The following DNAJC13 variants were observed in gnomAD, a reference collection of about 807,000 sequenced individuals.
DNAJC13 encodes DnaJ heat shock protein family (Hsp40) member C13.
DNAJC13 carries 75 observed loss-of-function variants against 290.5 expected under a neutral mutation model. That is an observed-to-expected ratio of 0.26 (90% CI 0.21 to 0.31). The LOEUF (loss-of-function observed/expected upper bound fraction) is 0.31, where lower values mean the gene tolerates loss of function less well. Ranked by LOEUF, DNAJC13 falls within the 10% of genes least tolerant of loss-of-function variation. DNAJC13 has a pLI of 1.00. For missense variants in DNAJC13, 2,260 were observed against 2,674.5 expected (o/e 0.85, Z 3.42); for synonymous variants, 862 against 892.0 (o/e 0.97, Z 0.60).
intron 42 of DNAJC13, 67 bp from the exon 43 acceptor site, chr3:132,507,170 G>T (rs575713681): frequency 2.9e-6 from 3 of 1,036,548 alleles, no homozygotes; most frequent in East Asian, 4.8e-5. Flanking sequence ...TTATTTATCT[G>T]TTAAGTTATT....
At chr3:132,430,732 C>G (rs1939218668) in intron 1 of DNAJC13, among the ~76,000 whole-genome samples, 1 of 152,164 alleles carries the variant, frequency 6.6e-6, no homozygotes, top group African/African-American at 2.4e-5. Flanking sequence ...CTCTCTCTCT[C>G]CCTTTTTTGG....
chr3:132,485,049 AC>A (rs1267606633), intron 29 of DNAJC13, among the ~76,000 whole-genome samples: 36 of 152,242 alleles, frequency 2.4e-4, no homozygotes, highest in African/African-American at 8.4e-4. Context: ...ATGCCACCGC[AC>A]TCCAGCCTGG....
intron 38 of DNAJC13, among the ~76,000 whole-genome samples, 188 bp from the exon 39 acceptor site, chr3:132,500,606 C>G (rs1291276449): frequency 6.6e-6 from 1 of 152,076 alleles, no homozygotes; most frequent in Non-Finnish European, 1.5e-5. Flanking sequence ...TGCCAACTAC[C>G]CCAGCATTTA....
intron 2 of DNAJC13, among the ~76,000 whole-genome samples, chr3:132,443,121 T>C (rs1933124120): frequency 6.6e-6 from 1 of 152,214 alleles, no homozygotes; most frequent in African/African-American, 2.4e-5. Flanking sequence ...TTGTCTCTTC[T>C]TTGACTTGGG....
intron 55 of DNAJC13, among the ~76,000 whole-genome samples, chr3:132,533,522 G>A (rs913090036): frequency 2.6e-5 from 4 of 151,846 alleles, no homozygotes; most frequent in Non-Finnish European, 5.9e-5. Flanking sequence ...TTTTAGTAGA[G>A]ACGGGGTTTT....
At chr3:132,435,604 G>C (rs1230571160) in intron 2 of DNAJC13, among the ~76,000 whole-genome samples, 1 of 152,138 alleles carries the variant, frequency 6.6e-6, no homozygotes, top group East Asian at 1.9e-4. Context: ...TAGAATAGTT[G>C]TTACCCTTTA....
At chr3:132,436,061 A>G (rs1370310467) in intron 2 of DNAJC13, among the ~76,000 whole-genome samples, 2 of 152,176 alleles carry the variant, frequency 1.3e-5, no homozygotes, top group African/African-American at 4.8e-5. Context: ...TAACTTATAT[A>G]CCATAAAATT....
At chr3:132,445,144 TTTAAG>T (rs1339950300) in intron 2 of DNAJC13, among the ~76,000 whole-genome samples, 1 of 152,144 alleles carries the variant, frequency 6.6e-6, no homozygotes, top group Non-Finnish European at 1.5e-5. Flanking sequence ...TGGCTGTTTG[TTTAAG>T]TTATTAATGC....
chr3:132,512,362 CTT>C (rs1446226792), intron 44 of DNAJC13, among the ~76,000 whole-genome samples: 2 of 152,152 alleles, frequency 1.3e-5, no homozygotes, highest in East Asian at 1.9e-4. Flanking sequence ...TTCTCAGACT[CTT>C]TAAGTTGAAG....
Position 132,450,848 on chromosome 3 carries a change from G to T in DNAJC13, c.537+1G>T. The T allele has an allele frequency of 6.7e-7, 1 of 1,492,976 alleles. No individual in the cohort carries two copies. Among genetic ancestry groups the T allele is most frequent in the Non-Finnish European group, 9.1e-7 (1 of 1,093,990 alleles). 92.5% of individuals were successfully genotyped at this position (1,492,976 alleles called of 1,614,324 possible). A position where few individuals can be genotyped will look rare whatever the true frequency, so the allele number is the denominator to read the frequency against. On this transcript the variant is annotated splice_donor_variant, in intron 6 of 55. Transcript: ENST00000260818. LOFTEE classifies it high-confidence loss of function. Reference sequence around the variant, plus strand: ...ACTTTATGGAGGATTTAGTAGATTGGTAAGTACTATTTTAAAAAAAAAAAA... The same window carrying T: ...ACTTTATGGAGGATTTAGTAGATTGTTAAGTACTATTTTAAAAAAAAAAAA...
chr3:132,431,294 A>G (rs897235146), intron 1 of DNAJC13, among the ~76,000 whole-genome samples: 3 of 152,332 alleles, frequency 2.0e-5, no homozygotes, highest in Middle Eastern at 3.4e-3. Flanking sequence ...TAGGTGAATA[A>G]TAAATTGCAC....
intron 53 of DNAJC13, 29 bp downstream of exon 53, chr3:132,526,310 T>C: frequency 6.2e-7 from 1 of 1,611,868 alleles, no homozygotes; most frequent in Non-Finnish European, 8.5e-7. Flanking sequence ...TTAGCACTAT[T>C]TTAGGAAAGC....
intron 46 of DNAJC13, among the ~76,000 whole-genome samples, chr3:132,515,840 A>T (rs1329878064): frequency 6.6e-6 from 1 of 152,104 alleles, no homozygotes; most frequent in Non-Finnish European, 1.5e-5. Context: ...CCTCTACCTT[A>T]TTTGCCAACA....
chr3:132,489,242 A>G (rs1470468955), intron 31 of DNAJC13, among the ~76,000 whole-genome samples: 1 of 152,208 alleles, frequency 6.6e-6, no homozygotes, highest in African/African-American at 2.4e-5. Flanking sequence ...CTTAATATTG[A>G]AATTGCAGCT....
chr3:132,523,962 T>C (rs1237245936), intron 51 of DNAJC13: 1 of 366,430 alleles, frequency 2.7e-6, no homozygotes, highest in African/African-American at 2.1e-5. Context: ...TTTCTAACAG[T>C]TACAGAAGCC....
chr3:132,459,368 A>T (rs1445156423), intron 13 of DNAJC13, among the ~76,000 whole-genome samples: 1 of 152,188 alleles, frequency 6.6e-6, no homozygotes, highest in Non-Finnish European at 1.5e-5. Context: ...GATTTTAATT[A>T]TATGAGGTCA....
At chr3:132,500,984 A>ATG in intron 39 of DNAJC13, 71 bp downstream of exon 39, 2 of 1,521,692 alleles carry the variant, frequency 1.3e-6, no homozygotes, top group South Asian at 2.4e-5. Context: ...CCAGTTCCTA[A>ATG]TGTATAAGCA....
rs1213324486 is a variant in DNAJC13, at chr3:132,495,285, T to C, written c.4020+119T>C. The C allele has an allele frequency of 8.6e-5, 62 of 716,860 alleles. 1 individual carries two copies. In the South Asian group the frequency reaches 1.5e-3, roughly 17 times the overall value. 44.4% of individuals were successfully genotyped at this position (716,860 alleles called of 1,614,324 possible). A position where few individuals can be genotyped will look rare whatever the true frequency, so the allele number is the denominator to read the frequency against. ...TGCCTCATAATATATACTCAGTGTATGTTTAATAAACTTCTGGCCACATGC... is the reference window on the plus strand; with the variant it reads ...TGCCTCATAATATATACTCAGTGTACGTTTAATAAACTTCTGGCCACATGC... On this transcript the variant is annotated intron_variant, in intron 35 of 55. Transcript: ENST00000260818.
intron 2 of DNAJC13, among the ~76,000 whole-genome samples, chr3:132,437,109 C>T (rs1439498666): frequency 2.0e-5 from 3 of 151,910 alleles, no homozygotes; most frequent in Non-Finnish European, 4.4e-5. Flanking sequence ...AAACTCCTGA[C>T]CTCAAGTAAT....
Sources: allele counts gnomAD v4.1 joint callset (sites outside exome capture counted in the v4.1 genomes callset), GRCh38; gene constraint gnomAD v4.1.1; transcripts MANE v1.5; gene names NCBI Gene and HGNC (gene_info 2026-07-23, HGNC 2026-07-21).